Variants in ALDH3A1 observed in about 807,000 individuals in gnomAD.
The protein encoded by ALDH3A1 is aldehyde dehydrogenase, dimeric NADP-preferring.
Under a neutral mutation model 49.9 loss-of-function variants are expected in ALDH3A1, and 46 were observed. That is an observed-to-expected ratio of 0.92 (90% CI 0.73 to 1.18). The LOEUF (loss-of-function observed/expected upper bound fraction) is 1.18. ALDH3A1 is among the 50% of genes most tolerant of loss of function. ALDH3A1 has a pLI of 0.00. For synonymous variants in ALDH3A1, 269 were observed against 253.3 expected, an observed-to-expected ratio of 1.06 and a Z score of -0.59; for missense variants, 592 against 611.8, an observed-to-expected ratio of 0.97 and a Z score of 0.34.
At position 19,745,064 on chromosome 17, in the gene ALDH3A1, C is replaced by T. The variant is rs768634987; in HGVS notation, c.66G>A (p.Pro22=). Residue 22 remains proline (P), a synonymous_variant, in exon 2 of 11, where the codon CCG becomes CCA. Transcript: ENST00000225740. ...CCAGCTGCTGGATCCGGAACTGCAG[C>T]GGACGGGTCCTGCCCGAGCTGAAGG... ...RAAFSSGRTR[P]LQFRIQQLEA... The T allele has an allele frequency of 1.9e-6, 3 of 1,597,492 alleles. No homozygotes were observed. The highest frequency in any genetic ancestry group is 2.7e-5 in the African/African-American group (2 of 74,478).
rs1294617054 is a variant in ALDH3A1 at position 19,743,091 on chromosome 17, G to C, written c.394+141C>G. 1 of 1,535,624 alleles carries C rather than the reference G, an allele frequency of 6.5e-7. No individual in the cohort carries two copies. Among genetic ancestry groups the C allele is most frequent in the Non-Finnish European group, 8.7e-7 (1 of 1,146,822 alleles). On this transcript the variant is annotated intron_variant, in intron 3 of 10. Coordinates refer to ENST00000225740, the MANE Select transcript of ALDH3A1 (RefSeq NM_000691.5). The surrounding 1 kb of genome is among the most constrained non-coding windows in gnomAD (Gnocchi z 4.4). ...ACCAAGAGGCCTGGCTAAACAGCTT[G>C]GTCCCCACAGCCTCCTGTGACAGAC...
Position 19,743,413 on chromosome 17 carries a change from G to A in ALDH3A1, c.213C>T (p.Ile71=), listed in dbSNP as rs375109089. 12 of 1,613,846 alleles carry A rather than the reference G, an allele frequency of 7.4e-6. No homozygotes were observed. The highest frequency in any genetic ancestry group is 5.3e-5 in the African/African-American group (4 of 74,906). ...YEEVVYVLEE[I]EYMIQKLPEW... is the part of the protein sequence containing the mutation. ...CAGGGAGCTTCTGGATCATGTACTC[G>A]ATCTCCTCTAGGACGTACACCACCT... Residue 71 remains isoleucine, a synonymous_variant, in exon 3 of 11, where the codon ATC becomes ATT. Coordinates refer to ENST00000225740, the MANE Select transcript of ALDH3A1 (RefSeq NM_000691.5). The surrounding 1 kb of genome is among the most constrained non-coding windows in gnomAD (Gnocchi z 4.4).
chr17:19,740,566 T>C, intron 6 of ALDH3A1, 89 bp from the exon 7 acceptor site: 1 of 1,474,222 alleles, frequency 6.8e-7, no homozygotes, highest in Admixed American at 2.0e-5. Context: ...AGTGTCTGTC[T>C]TTGGGTGGTG....
At chr17:19,740,635 T>C (rs2086475280) in intron 6 of ALDH3A1, among the ~76,000 whole-genome samples, 158 bp from the exon 7 acceptor site, 1 of 152,076 alleles carries the variant, frequency 6.6e-6, no homozygotes, top group Non-Finnish European at 1.5e-5. Context: ...AAATAATCTA[T>C]AGTGAGTGTG....
At chr17:19,739,974 C>T (rs1695592160) in intron 7 of ALDH3A1, among the ~76,000 whole-genome samples, 3 of 152,354 alleles carry the variant, frequency 2.0e-5, no homozygotes, top group Middle Eastern at 3.4e-3. Context: ...GTCTCCTTGA[C>T]AAACTCGGGG....
At chr17:19,744,912 C>CCCCCCCCCCA in intron 2 of ALDH3A1, 56 bp downstream of exon 2, 1 of 1,133,140 alleles carries the variant, frequency 8.8e-7, no homozygotes, top group Non-Finnish European at 1.2e-6. Flanking sequence ...CCCCTCCCCC[C>CCCCCCCCCCA]ACGCCCCATC....
intron 3 of ALDH3A1, 141 bp from the exon 4 acceptor site, chr17:19,742,771 G>C (rs1201796672): frequency 1.3e-6 from 2 of 1,541,766 alleles, no homozygotes; most frequent in African/African-American, 2.7e-5. Context: ...ACAAGCACAT[G>C]TCACGGGGCA....
Position 19,745,040 on chromosome 17 carries a change from C to A in ALDH3A1, c.90G>T (p.Leu30=). The A allele has an allele frequency of 6.3e-7, 1 of 1,597,132 alleles. No homozygotes were observed. The highest frequency in any genetic ancestry group is 2.2e-5 in the East Asian group (1 of 44,620). The change falls in exon 2 of 11, where the codon CTG becomes CTT. Residue 30 remains leucine, a synonymous_variant. Coordinates refer to ENST00000225740, the MANE Select transcript of ALDH3A1 (RefSeq NM_000691.5). ...TRPLQFRIQQ[L]EALQRLIQEQ... is the part of the protein sequence containing the mutation. The stretch of plus-strand genomic sequence containing the variant: ...CCTGGATCAGGCGCTGCAGCGCCTC[C>A]AGCTGCTGGATCCGGAACTGCAGCG...
At position 19,743,452 on chromosome 17, in the gene ALDH3A1, G is replaced by A. The variant is rs144035368; in HGVS notation, c.174C>T (p.Asn58=). The part of the protein sequence containing the change: ...LAADLHKNEW[N]AYYEEVVYVL... ...CGTACACCACCTCCTCATAGTAGGC[G>A]TTCCATTCATTCTGCAGCGACAGAG... The change falls in exon 3 of 11, where the codon AAC becomes AAT. Residue 58 remains asparagine, a synonymous_variant. Coordinates refer to ENST00000225740, the MANE Select transcript of ALDH3A1 (RefSeq NM_000691.5). This position sits in a 1 kb window ranked among gnomAD's most constrained non-coding sequence, Gnocchi z 4.4. The A allele has an allele frequency of 3.2e-5, 51 of 1,599,618 alleles. No homozygotes were observed. Among genetic ancestry groups the A allele is most frequent in the African/African-American group, 3.1e-4 (23 of 74,634 alleles).
intron 2 of ALDH3A1, 51 bp downstream of exon 2, chr17:19,744,917 C>CCCCCA: frequency 1.5e-6 from 2 of 1,360,564 alleles, no homozygotes; most frequent in Non-Finnish European, 1.9e-6. Flanking sequence ...CCCCCCACGC[C>CCCCCA]CCATCGCATG....
At chr17:19,738,498 G>A in intron 9 of ALDH3A1, 45 bp from the exon 10 acceptor site, 2 of 1,588,978 alleles carry the variant, frequency 1.3e-6, no homozygotes, top group Non-Finnish European at 1.7e-6. Flanking sequence ...CTGCCCCCAG[G>A]ACGCCCCAGG....
At chr17:19,738,791 G>A (rs553632318) in intron 9 of ALDH3A1, among the ~76,000 whole-genome samples, 105 of 152,122 alleles carry the variant, frequency 6.9e-4, no homozygotes, top group Non-Finnish European at 5.1e-4. Flanking sequence ...GAAATAGGCC[G>A]GTGCACCAGG....
chr17:19,742,146 G>A lies in ALDH3A1; in HGVS notation c.547C>T (p.His183Tyr), dbSNP rs796290137. ...TTELLKERFD[H>Y]ILYTGSTGVG... ...CCCGTGCTGCCCGTGTACAGGATAT[G>A]GTCGAACCTCTCCTTGAGCAGCTCC... Residue 183 changes from histidine to tyrosine, a missense_variant, in exon 5 of 11, where the codon CAT becomes TAT. Transcript: ENST00000225740. 2 of 1,614,086 alleles carry A rather than the reference G, an allele frequency of 1.2e-6. No homozygotes were observed. The highest frequency in any genetic ancestry group is 1.1e-5 in the South Asian group (1 of 91,080).
At chr17:19,739,153 C>T (rs2086443338) in intron 8 of ALDH3A1, 58 bp from the exon 9 acceptor site, 2 of 1,486,426 alleles carry the variant, frequency 1.3e-6, no homozygotes, top group Admixed American at 3.6e-5. Flanking sequence ...CCCCAGCCCC[C>T]AACCCGACCC....
chr17:19,747,740 A>G (rs149186544), intron 1 of ALDH3A1, among the ~76,000 whole-genome samples: 70 of 152,178 alleles, frequency 4.6e-4, no homozygotes, highest in African/African-American at 1.6e-3. Flanking sequence ...CACCTGTGCC[A>G]GTGTTGACTT....
At position 19,741,140 on chromosome 17, in the gene ALDH3A1, G is replaced by C. The variant is rs1405409099; in HGVS notation, c.760C>G (p.Pro254Ala). 1 of 1,614,104 alleles carries C rather than the reference G, an allele frequency of 6.2e-7. No homozygotes were observed. Among genetic ancestry groups the C allele is most frequent in the Admixed American group, 1.7e-5 (1 of 60,036 alleles). ...TCCACAATTTGGTTCTGGATCGAGG[G>C]GTCACAGAGGATGTAGTCAGGGGCC... The part of the protein sequence containing the change: ...CVAPDYILCD[P>A]SIQNQIVEKL... Residue 254 changes from proline to alanine, a missense_variant, in exon 6 of 11, where the codon CCC (proline) becomes GCC (alanine). Coordinates refer to ENST00000225740, the MANE Select transcript of ALDH3A1 (RefSeq NM_000691.5).
In ALDH3A1 at chr17:19,738,866, G is replaced by C; in HGVS notation, c.1216+130C>G. 11 of 764,878 alleles carry C rather than the reference G, an allele frequency of 1.4e-5. No homozygotes were observed. The South Asian group carries it at 1.9e-4, about 13-fold the overall frequency. The allele number at this position is 764,878 out of a possible 1,614,324, so 47.4% of individuals were successfully genotyped here. Reference sequence around the variant, plus strand: ...CTGATGGATGGCACGCAGAGGCCAAGGTCCAAATGGAAGAGGCTAATGGGA... The same window carrying C: ...CTGATGGATGGCACGCAGAGGCCAACGTCCAAATGGAAGAGGCTAATGGGA... On this transcript the variant is annotated intron_variant, in intron 9 of 10. Transcript: ENST00000225740.
intron 1 of ALDH3A1, among the ~76,000 whole-genome samples, chr17:19,745,936 A>G (rs4646787): frequency 0.7 from 105,743 of 152,120 alleles, 37,091 homozygotes; most frequent in East Asian, 0.95. Context: ...CATCCCAAAG[A>G]TCCGAAAGAA....
chr17:19,743,909 C>T lies in ALDH3A1; in HGVS notation c.163-446G>A, dbSNP rs1312356066. The T allele has an allele frequency of 3.0e-6, 3 of 985,000 alleles. No individual in the cohort carries two copies. The Admixed American group carries it at 1.8e-4, about 61-fold the overall frequency. The allele number at this position is 985,000 out of a possible 1,614,324, so 61.0% of individuals were successfully genotyped here. A position where few individuals can be genotyped will look rare whatever the true frequency, so the allele number is the denominator to read the frequency against. ...CCCTTTAGTTGTCTGGAGGGGGATG[C>T]AGGACCAAGGGCTGCTGGGCGCTCA... is the stretch of plus-strand genomic sequence containing the variant. On this transcript the variant is annotated intron_variant, in intron 2 of 10. Transcript: ENST00000225740. The surrounding 1 kb of genome is among the most constrained non-coding windows in gnomAD (Gnocchi z 4.4).
Sources: gnomAD v4.1 joint callset for allele counts (sites outside exome capture counted in the v4.1 genomes callset) on GRCh38, gnomAD v4.1.1 for gene constraint, Gnocchi (gnomAD v3.1) non-coding constraint, MANE v1.5 for transcripts, NCBI Gene and HGNC (gene_info 2026-07-23, HGNC 2026-07-21) for gene names.